The following FHOD3 variants were observed in gnomAD, a reference collection of about 807,000 sequenced individuals.
FHOD3 encodes FH1/FH2 domain-containing protein 3.
FHOD3 carries 90 observed loss-of-function variants against 173.0 expected under a neutral mutation model. That is an observed-to-expected ratio of 0.52 (90% CI 0.44 to 0.62). FHOD3 has a LOEUF of 0.62. Among genes scored for constraint, FHOD3 ranks in the 20% least tolerant of loss-of-function variants. The pLI is 0.00. For synonymous variants in FHOD3, 828 were observed against 823.0 expected (o/e 1.01, Z -0.10); for missense variants, 1,945 against 2,034.7 (o/e 0.96, Z 0.85).
At position 36,306,536 on chromosome 18, in the gene FHOD3, G is replaced by C. The variant is rs537630246; in HGVS notation, c.165+8536G>C. 9.2e-5 allele frequency among the ~76,000 whole-genome samples: 14 copies of C among 152,258 alleles called. 1 individual carries two copies. The South Asian group carries it at 2.5e-3, about 27-fold the overall frequency. On this transcript the variant is annotated intron_variant, in intron 1 of 28. Coordinates refer to ENST00000590592, the MANE Select transcript of FHOD3 (RefSeq NM_001281740.3). Reference sequence around the variant, plus strand: ...GCTAGGCAACCAACTTGTGTGACCAGCCAAAGAGGAAAGAGACATTTAAAA... The same window carrying C: ...GCTAGGCAACCAACTTGTGTGACCACCCAAAGAGGAAAGAGACATTTAAAA...
chr18:36,748,758 T>C (rs2042275120), intron 24 of FHOD3, among the ~76,000 whole-genome samples: 1 of 152,120 alleles, frequency 6.6e-6, no homozygotes, highest in Non-Finnish European at 1.5e-5. Context: ...CAGTCCAAAG[T>C]ATCTAAACCG....
intron 8 of FHOD3, among the ~76,000 whole-genome samples, chr18:36,605,341 AT>A (rs1222787922): frequency 6.6e-6 from 1 of 152,106 alleles, no homozygotes; most frequent in East Asian, 1.9e-4. Context: ...TACCCACACA[AT>A]GTGGTACTTT....
At chr18:36,572,982 G>GA (rs1317412848) in intron 5 of FHOD3, among the ~76,000 whole-genome samples, 4 of 150,952 alleles carry the variant, frequency 2.6e-5, no homozygotes, top group Admixed American at 6.6e-5. Context: ...GAAGAAATGG[G>GA]AAAAAATAGG....
chr18:36,605,628 A>G (rs1424435885), intron 8 of FHOD3, among the ~76,000 whole-genome samples: 1 of 148,868 alleles, frequency 6.7e-6, no homozygotes, highest in Non-Finnish European at 1.5e-5. Flanking sequence ...TCACCAAGGT[A>G]TAATTTTTCA....
chr18:36,569,834 G>A (rs2058393017), intron 5 of FHOD3, among the ~76,000 whole-genome samples: 1 of 152,104 alleles, frequency 6.6e-6, no homozygotes. Flanking sequence ...TCCATGTGTT[G>A]AGGAATTCTC....
intron 6 of FHOD3, among the ~76,000 whole-genome samples, chr18:36,590,176 C>T (rs1314820440): frequency 6.6e-6 from 1 of 152,150 alleles, no homozygotes; most frequent in Non-Finnish European, 1.5e-5. Context: ...TTAATATCCA[C>T]TCCATTTATT....
intron 4 of FHOD3, among the ~76,000 whole-genome samples, chr18:36,506,391 C>T (rs1205664262): frequency 6.6e-6 from 1 of 152,360 alleles, no homozygotes; most frequent in Non-Finnish European, 1.5e-5. Context: ...CACAGCTGTG[C>T]ATGCCTGGCA....
At chr18:36,778,751 C>G (rs2043876216) in intron 28 of FHOD3, 1 of 152,208 alleles carries the variant, frequency 6.6e-6, no homozygotes, top group Non-Finnish European at 1.5e-5. Flanking sequence ...ATAAGTTTGG[C>G]AGTTTGCTCC....
chr18:36,447,544 G>A (rs1265132320), intron 3 of FHOD3, among the ~76,000 whole-genome samples: 5 of 152,102 alleles, frequency 3.3e-5, no homozygotes, highest in African/African-American at 4.8e-5. Flanking sequence ...TGACTGTACC[G>A]AAGAACTTTG....
rs1407564770 is a variant in FHOD3 at position 36,693,406 on chromosome 18, C to A, written c.2219C>A (p.Thr740Asn). Residue 740 changes from threonine to asparagine, a missense_variant, in exon 17 of 29, where the codon ACC becomes AAC. Thr to Asn is a moderately conservative substitution (Grantham distance 65, BLOSUM62 0). This residue lies in a region of FHOD3 where 1,099 missense variants were observed against 1,051.2 expected (regional missense o/e 1.05). Transcript: ENST00000590592. Reference protein sequence around the residue: ...ALTVSASSPGTPHHPQASAGD... With the variant: ...ALTVSASSPGNPHHPQASAGD... ...ACGGTGTCTGCCTCCTCCCCAGGAA[C>A]CCCTCACCATCCCCAAGGTGAGTAC... The A allele has an allele frequency of 9.3e-6, 15 of 1,613,604 alleles. No homozygotes were observed. In the Admixed American group the frequency reaches 1.2e-4, roughly 13 times the overall value.
chr18:36,374,824 AAG>A (rs1180011345), intron 3 of FHOD3, among the ~76,000 whole-genome samples: 1 of 152,206 alleles, frequency 6.6e-6, no homozygotes, highest in Non-Finnish European at 1.5e-5. Context: ...AAAATGTTGT[AAG>A]GTCTTGTTTA....
chr18:36,706,002 A>G (rs1460956253), intron 17 of FHOD3, among the ~76,000 whole-genome samples: 1 of 146,442 alleles, frequency 6.8e-6, no homozygotes, highest in Non-Finnish European at 1.5e-5. Context: ...CACGGAGAGA[A>G]GTATGAGTGA....
intron 18 of FHOD3, among the ~76,000 whole-genome samples, chr18:36,716,249 C>T (rs1192068308): frequency 6.6e-6 from 1 of 152,196 alleles, no homozygotes; most frequent in Non-Finnish European, 1.5e-5. Context: ...GGCAGGAACC[C>T]ACGCTGGCCT....
chr18:36,595,462 TCC>T (rs2030179171), intron 7 of FHOD3, among the ~76,000 whole-genome samples: 1 of 152,080 alleles, frequency 6.6e-6, no homozygotes, highest in Non-Finnish European at 1.5e-5. Flanking sequence ...ACCCTTCAAC[TCC>T]TGCCCAGCTG....
chr18:36,759,200 T>A (rs2042764906), intron 26 of FHOD3, 59 bp downstream of exon 26: 1 of 1,482,554 alleles, frequency 6.7e-7, no homozygotes, highest in Non-Finnish European at 9.1e-7. Flanking sequence ...TATGCTCTGG[T>A]CTAACCTAAC....
intron 20 of FHOD3, among the ~76,000 whole-genome samples, chr18:36,732,072 G>A (rs1017457015): frequency 6.6e-6 from 1 of 152,226 alleles, no homozygotes; most frequent in African/African-American, 2.4e-5. Context: ...ACAGAGAGGA[G>A]AGTGCTATTT....
chr18:36,492,323 G>A (rs2054513467), intron 3 of FHOD3, among the ~76,000 whole-genome samples: 1 of 152,026 alleles, frequency 6.6e-6, no homozygotes, highest in African/African-American at 2.4e-5. Flanking sequence ...GGAACCCTTA[G>A]TGTTACCATC....
chr18:36,668,664 G>A (rs112712160), intron 14 of FHOD3, among the ~76,000 whole-genome samples: 12 of 152,000 alleles, frequency 7.9e-5, no homozygotes, highest in African/African-American at 2.9e-4. Flanking sequence ...ATTCCACAAA[G>A]TTTAATATGT....
At chr18:36,666,835 A>G (rs1042307241) in intron 14 of FHOD3, among the ~76,000 whole-genome samples, 4 of 152,220 alleles carry the variant, frequency 2.6e-5, no homozygotes, top group Non-Finnish European at 4.4e-5. Context: ...TATGTGTACA[A>G]CAGTGAAACC....
Sources: allele counts gnomAD v4.1 joint callset (sites outside exome capture counted in the v4.1 genomes callset), GRCh38; gene constraint gnomAD v4.1.1; regional missense constraint gnomAD v4.1.1; transcripts MANE v1.5; gene names NCBI Gene and HGNC (gene_info 2026-07-23, HGNC 2026-07-21).